Variants in GRM5 observed in about 807,000 individuals in gnomAD.
The protein encoded by GRM5 is glutamate metabotropic receptor 5, also known as metabotropic glutamate receptor 5.
In GRM5, 19 loss-of-function variants were observed where a neutral mutation model predicts 83.1. The ratio of observed to expected loss-of-function variants is 0.23; its 90% CI spans 0.16 to 0.34. The LOEUF (loss-of-function observed/expected upper bound fraction) is 0.34, where lower values mean the gene tolerates loss of function less well. GRM5 is among the 10% of genes least tolerant of loss of function. GRM5 has a pLI of 1.00. For synonymous variants in GRM5, 675 were observed against 633.6 expected, an observed-to-expected ratio of 1.07 and a Z score of -0.98; for missense variants, 1,160 against 1,588.3, an observed-to-expected ratio of 0.73 and a Z score of 4.58.
intron 3 of GRM5, among the ~76,000 whole-genome samples, chr11:88,766,655 C>A (rs947645167): frequency 5.3e-5 from 8 of 151,938 alleles, no homozygotes; most frequent in Non-Finnish European, 7.4e-5. Context: ...GCAAAGATTT[C>A]ATGACCAAAG....
intron 2 of GRM5, among the ~76,000 whole-genome samples, chr11:89,038,151 T>TTGTG (rs35505173): frequency 0.052 from 7,469 of 144,656 alleles, 572 homozygotes; most frequent in African/African-American, 0.18. Context: ...TAGAATCTCA[T>TTGTG]TGTGTGTGTG....
chr11:88,824,881 C>T (rs559109538), intron 3 of GRM5, among the ~76,000 whole-genome samples: 1 of 152,178 alleles, frequency 6.6e-6, no homozygotes, highest in Non-Finnish European at 1.5e-5. Flanking sequence ...GGTTTCTTAA[C>T]TACCATCATC....
chr11:88,841,321 T>C (rs554250965), intron 3 of GRM5, among the ~76,000 whole-genome samples: 1 of 152,300 alleles, frequency 6.6e-6, no homozygotes, highest in South Asian at 2.1e-4. Flanking sequence ...ATCTTGACAA[T>C]TTTTAAGCCA....
At chr11:88,544,309 C>G (rs983926141) in intron 8 of GRM5, among the ~76,000 whole-genome samples, 3 of 152,212 alleles carry the variant, frequency 2.0e-5, no homozygotes, top group Non-Finnish European at 4.4e-5. Flanking sequence ...TCATAACATT[C>G]ACTGAGCAGA....
intron 4 of GRM5, among the ~76,000 whole-genome samples, chr11:88,638,549 A>G (rs1487198786): frequency 2.0e-5 from 3 of 152,074 alleles, no homozygotes; most frequent in African/African-American, 4.8e-5. Context: ...TAGAGTTTAC[A>G]TAGAATTGAT....
At chr11:88,662,921 TA>T (rs1291208630) in intron 3 of GRM5, among the ~76,000 whole-genome samples, 2 of 152,174 alleles carry the variant, frequency 1.3e-5, no homozygotes, top group Non-Finnish European at 2.9e-5. Flanking sequence ...AGTTCGCCAA[TA>T]CCCTGACTAC....
chr11:88,691,228 TA>T (rs1459278291), intron 3 of GRM5, among the ~76,000 whole-genome samples: 1 of 152,206 alleles, frequency 6.6e-6, no homozygotes, highest in Non-Finnish European at 1.5e-5. Context: ...TTTTCTACCA[TA>T]ACCATAGTTT....
chr11:88,891,143 T>C (rs945065642), intron 2 of GRM5, among the ~76,000 whole-genome samples: 3 of 152,080 alleles, frequency 2.0e-5, no homozygotes, highest in African/African-American at 7.2e-5. Flanking sequence ...TTTCATCTCA[T>C]GGTCAAATTG....
chr11:89,045,018 G>A (rs965685779), intron 2 of GRM5, among the ~76,000 whole-genome samples: 2 of 151,990 alleles, frequency 1.3e-5, no homozygotes, highest in African/African-American at 2.4e-5. Flanking sequence ...ACATAACCTC[G>A]TTATTCACAT....
intron 3 of GRM5, among the ~76,000 whole-genome samples, chr11:88,655,441 T>A (rs1939742335): frequency 1.3e-5 from 2 of 152,124 alleles, no homozygotes. Flanking sequence ...TTTAAATTGC[T>A]CCTTTTGTTA....
chr11:88,692,293 C>T (rs1940798560), intron 3 of GRM5, among the ~76,000 whole-genome samples: 1 of 152,202 alleles, frequency 6.6e-6, no homozygotes, highest in Admixed American at 6.5e-5. Flanking sequence ...TTGCCTATAT[C>T]TGTCTTTAGC....
rs79689086 is a variant in GRM5, at chr11:88,659,182, G to A, written c.912-5779C>T. ...GGTAAAGGAGCATTTTTAATGATTC[G>A]TGGGAGGAGAATAACAACATTGCAT... is the stretch of plus-strand genomic sequence containing the variant. On this transcript the variant is annotated intron_variant, in intron 3 of 9. Coordinates refer to ENST00000305447, the MANE Select transcript of GRM5 (RefSeq NM_001143831.3). Among the ~76,000 whole-genome samples the A allele has an allele frequency of 4.7e-3, 711 of 152,236 alleles. 4 individuals are homozygous for A. The highest frequency in any genetic ancestry group is 0.027 in the Middle Eastern group (8 of 294).
intron 3 of GRM5, among the ~76,000 whole-genome samples, chr11:88,779,960 T>C (rs928458070): frequency 3.9e-5 from 6 of 152,146 alleles, no homozygotes; most frequent in Admixed American, 2.6e-4. Flanking sequence ...AGTCATTTTG[T>C]TTTTCTTTAA....
At chr11:88,930,386 C>T (rs1937663712) in intron 2 of GRM5, among the ~76,000 whole-genome samples, 1 of 152,112 alleles carries the variant, frequency 6.6e-6, no homozygotes, top group African/African-American at 2.4e-5. Flanking sequence ...TGTATTCCAG[C>T]CCGGGCAACA....
At chr11:88,817,564 TCAA>T (rs1434026257) in intron 3 of GRM5, among the ~76,000 whole-genome samples, 2 of 152,126 alleles carry the variant, frequency 1.3e-5, no homozygotes, top group African/African-American at 2.4e-5. Context: ...AAAAATACCA[TCAA>T]CTAGTGTAAG....
intron 3 of GRM5, among the ~76,000 whole-genome samples, chr11:88,840,755 G>T (rs1432182536): frequency 6.6e-6 from 1 of 152,126 alleles, no homozygotes; most frequent in African/African-American, 2.4e-5. Context: ...TGGTCCTTAT[G>T]ACCCCTAATC....
chr11:88,877,574 A>G lies in GRM5; in HGVS notation c.662-27419T>C, dbSNP rs1157144889. 2.0e-5 allele frequency among the ~76,000 whole-genome samples: 3 copies of G among 152,064 alleles called. No homozygotes were observed. The East Asian group carries it at 5.8e-4, about 29-fold the overall frequency. Reference sequence around the variant, plus strand: ...ATGACTGTAATCCCAGCACTTTGGGAGGCCAAAGCAGATGTATGGATGTAT... The same window carrying G: ...ATGACTGTAATCCCAGCACTTTGGGGGGCCAAAGCAGATGTATGGATGTAT... On this transcript the variant is annotated intron_variant, in intron 2 of 9. Transcript: ENST00000305447.
At chr11:89,051,227 G>T (rs1293269356) in intron 1 of GRM5, among the ~76,000 whole-genome samples, 2 of 151,918 alleles carry the variant, frequency 1.3e-5, no homozygotes, top group Admixed American at 6.6e-5. Flanking sequence ...CTGCACTCCA[G>T]CCTGGGCGGC....
chr11:88,994,195 G>T (rs1051752650), intron 2 of GRM5, among the ~76,000 whole-genome samples: 1 of 151,062 alleles, frequency 6.6e-6, no homozygotes, highest in Non-Finnish European at 1.5e-5. Flanking sequence ...ATACATACAA[G>T]GAAAACAATG....
Sources: allele counts gnomAD v4.1 joint callset (sites outside exome capture counted in the v4.1 genomes callset), GRCh38; gene constraint gnomAD v4.1.1; transcripts MANE v1.5; gene names NCBI Gene and HGNC (gene_info 2026-07-23, HGNC 2026-07-21).